Variants in MST1R observed in about 807,000 individuals in gnomAD.
The protein encoded by MST1R is macrophage-stimulating protein receptor.
Under a neutral mutation model 117.8 loss-of-function variants are expected in MST1R, and 99 were observed. That is an observed-to-expected ratio of 0.84 (90% confidence interval 0.71 to 0.99). The LOEUF (loss-of-function observed/expected upper bound fraction) is 0.99, where lower values mean the gene tolerates loss of function less well. Ranked by LOEUF, MST1R falls within the 50% of genes least tolerant of loss-of-function variation. The pLI, the probability that MST1R is intolerant of heterozygous loss-of-function variation, is 0.00. For missense variants in MST1R, 1,683 were observed against 1,840.2 expected, an observed-to-expected ratio of 0.91 and a Z score of 1.56; for synonymous variants, 734 against 765.3, an observed-to-expected ratio of 0.96 and a Z score of 0.68.
intron 18 of MST1R, 146 bp downstream of exon 18, chr3:49,890,339 C>T: frequency 2.1e-6 from 2 of 947,528 alleles, no homozygotes; most frequent in East Asian, 2.7e-5. Context: ...TTCCATCTTA[C>T]ATCTGCCCAA....
chr3:49,901,222 C>T (rs2082665147), intron 1 of MST1R, among the ~76,000 whole-genome samples: 1 of 152,242 alleles, frequency 6.6e-6, no homozygotes, highest in South Asian at 2.1e-4. Flanking sequence ...CTAAAGACCC[C>T]CAACCTCACA....
At position 49,899,118 on chromosome 3, in the gene MST1R, A is replaced by G. The variant is rs749582593; in HGVS notation, c.1376T>C (p.Val459Ala). ...CATTGTGCCCATGTGTGCCACTGTG[A>G]CGTTGTCAAGGCGTGTCACATACAA... ...TALYVTRLDN[V>A]TVAHMGTMDG... is the part of the protein sequence containing the mutation. Residue 459 changes from valine (V) to alanine (A), a missense_variant, in exon 2 of 20, where the codon GTC becomes GCC. Transcript: ENST00000296474. The G allele has an allele frequency of 1.2e-6, 2 of 1,614,126 alleles. No homozygotes were observed. The highest frequency in any genetic ancestry group is 1.1e-5 in the South Asian group (1 of 91,086).
chr3:49,902,805 C>A lies in MST1R; in HGVS notation c.805G>T (p.Val269Leu). ...VYFLTVQPAS[V>L]TDDPSALHTR... The stretch of plus-strand genomic sequence containing the variant: ...TGCAGGGCACTAGGATCATCTGTCA[C>A]GCTGGCCGGCTGTACAGTCAGGAAG... Residue 269 changes from valine to leucine, a missense_variant, in exon 1 of 20, where the codon GTG becomes TTG. Physicochemically the swap from Val to Leu is conservative, Grantham distance 32. Transcript: ENST00000296474. 1 of 1,613,850 alleles carries A rather than the reference C, an allele frequency of 6.2e-7. No individual in the cohort carries two copies. Among genetic ancestry groups the A allele is most frequent in the Non-Finnish European group, 8.5e-7 (1 of 1,180,036 alleles).
intron 7 of MST1R, 143 bp downstream of exon 7, chr3:49,897,137 A>G: frequency 7.7e-7 from 1 of 1,294,054 alleles, no homozygotes; most frequent in Non-Finnish European, 1.1e-6. Context: ...TGGGCTGAAG[A>G]GGGCAGTAGT....
Position 49,890,209 on chromosome 3 carries a change from G to A in MST1R, c.3811-149C>T, listed in dbSNP as rs566413048. The A allele has an allele frequency of 9.5e-5, 103 of 1,080,746 alleles. 2 individuals are homozygous for A. In the African/African-American group the frequency reaches 1.6e-3, roughly 17 times the overall value. 66.9% of individuals were successfully genotyped at this position (1,080,746 alleles called of 1,614,324 possible). ...GCTCATTCCTCAATACATCACCTGT[G>A]TCTTTCCTCTGTCTCCTCCCACTAC... On this transcript the variant is annotated intron_variant, in intron 18 of 19. Transcript: ENST00000296474.
At chr3:49,887,692 A>G in intron 19 of MST1R, 130 bp from the exon 20 acceptor site, 1 of 962,406 alleles carries the variant, frequency 1.0e-6, no homozygotes, top group Middle Eastern at 2.4e-4. Flanking sequence ...ACCTAGCACT[A>G]CCCAATCAGG....
chr3:49,895,808 T>C lies in MST1R; in HGVS notation c.2869A>G (p.Thr957Ala). Residue 957 changes from threonine (T) to alanine (A), a missense_variant, in exon 12 of 20, where the codon ACG (threonine) becomes GCG (alanine). Thr to Ala is a moderately conservative substitution (Grantham distance 58, BLOSUM62 0). Transcript: ENST00000296474. Reference protein sequence around the residue: ...RPGPDGVPQSTLLGILLPLLL... With the variant: ...RPGPDGVPQSALLGILLPLLL... ...AAAGGCAGCAGGATACCAAGGAGCG[T>C]GCTCTGTGGGACCCCATCTGGCCCT... 1 of 1,613,994 alleles carries C rather than the reference T, an allele frequency of 6.2e-7. No homozygotes were observed. Among genetic ancestry groups the C allele is most frequent in the Non-Finnish European group, 8.5e-7 (1 of 1,179,998 alleles).
At chr3:49,900,089 G>T (rs780535083) in intron 1 of MST1R, among the ~76,000 whole-genome samples, 1 of 152,190 alleles carries the variant, frequency 6.6e-6, no homozygotes, top group Non-Finnish European at 1.5e-5. Context: ...GGGGCTGAAT[G>T]CTGGAGTTAA....
chr3:49,888,095 C>T (rs892933376), intron 19 of MST1R, among the ~76,000 whole-genome samples: 10 of 152,154 alleles, frequency 6.6e-5, no homozygotes, highest in African/African-American at 2.2e-4. Context: ...AGTTCGAGAC[C>T]AGCCTGGCCA....
rs1022698420 is a variant in MST1R, at chr3:49,902,691, TGC to T, written c.917_918del (p.Arg306GlnfsTer30). The T allele has an allele frequency of 6.2e-7, 1 of 1,613,500 alleles. No individual in the cohort carries two copies. The highest frequency in any genetic ancestry group is 1.7e-5 in the Admixed American group (1 of 60,034). On this transcript the variant is annotated frameshift_variant, in exon 1 of 20. Coordinates refer to ENST00000296474, the MANE Select transcript of MST1R (RefSeq NM_002447.4). LOFTEE classifies it high-confidence loss of function. ...LVLDCRFAPK[R>X]RRRGAPEGGQ... is the part of the protein sequence containing the mutation. ...CCGCCTTCTGGGGCCCCCCGGCGCC[TGC>T]GTTTTGGAGCAAATCTGCAGTCGAG...
At chr3:49,893,704 C>T (rs1343206702) in intron 14 of MST1R, among the ~76,000 whole-genome samples, 2 of 148,532 alleles carry the variant, frequency 1.3e-5, no homozygotes, top group Non-Finnish European at 3.0e-5. Flanking sequence ...TCGAGACCAT[C>T]CTGGCTAACA....
chr3:49,901,525 C>G (rs1045360887), intron 1 of MST1R, among the ~76,000 whole-genome samples: 1 of 152,164 alleles, frequency 6.6e-6, no homozygotes, highest in South Asian at 2.1e-4. Flanking sequence ...CCAATTCCAA[C>G]CAGCCCTTCC....
Position 49,902,799 on chromosome 3 carries a change from C to T in MST1R, c.811G>A (p.Asp271Asn). ...CGTGTGTGCAGGGCACTAGGATCAT[C>T]TGTCACGCTGGCCGGCTGTACAGTC... ...FLTVQPASVT[D>N]DPSALHTRLA... Residue 271 changes from aspartate to asparagine, a missense_variant, in exon 1 of 20, where the codon GAT becomes AAT. By Grantham distance (23) the Asp-to-Asn change is conservative. Coordinates refer to ENST00000296474, the MANE Select transcript of MST1R (RefSeq NM_002447.4). The T allele has an allele frequency of 6.2e-6, 10 of 1,613,924 alleles. No homozygotes were observed. Among genetic ancestry groups the T allele is most frequent in the Non-Finnish European group, 8.5e-6 (10 of 1,180,050 alleles).
chr3:49,887,454 AT>A lies in MST1R; in HGVS notation c.4055del (p.His1352LeufsTer10). 1 of 1,614,198 alleles carries A rather than the reference AT, an allele frequency of 6.2e-7. No individual in the cohort carries two copies. Among genetic ancestry groups the A allele is most frequent in the Non-Finnish European group, 8.5e-7 (1 of 1,180,010 alleles). On this transcript the variant is annotated frameshift_variant, in exon 20 of 20. Coordinates refer to ENST00000296474, the MANE Select transcript of MST1R (RefSeq NM_002447.4). LOFTEE classifies it low-confidence loss of function (END_TRUNC). ...TGTAGGTTGCTGGCAGCTGCACATA[AT>A]GGTCCCCAAGCAGTGCAGACACTAT... ...EQIVSALLGDHYVQLPATYMN... is the reference protein window; with the variant it reads ...EQIVSALLGDXYVQLPATYMN...
chr3:49,898,008 GT>G, intron 5 of MST1R, 42 bp downstream of exon 5: 1 of 1,611,954 alleles, frequency 6.2e-7, no homozygotes, highest in East Asian at 2.2e-5. Context: ...GGGCTGCTTG[GT>G]TTCCCCCTTC....
Position 49,890,470 on chromosome 3 carries a change from C to G in MST1R, c.3810+15G>C. 6.2e-7 allele frequency: 1 copy of G among 1,604,238 alleles called. No homozygotes were observed. The highest frequency in any genetic ancestry group is 8.5e-7 in the Non-Finnish European group (1 of 1,173,804). ...TGCCAAAGCCATGTGGACTGTAGGG[C>G]AGGTGGGGCCTCACCACATCAGACT... On this transcript the variant is annotated intron_variant, in intron 18 of 19. Transcript: ENST00000296474.
At chr3:49,901,261 C>A (rs1289089050) in intron 1 of MST1R, among the ~76,000 whole-genome samples, 2 of 152,232 alleles carry the variant, frequency 1.3e-5, no homozygotes, top group South Asian at 2.1e-4. Context: ...ATCTCCGAGG[C>A]ATCAATAGGA....
chr3:49,902,302 T>A, intron 1 of MST1R, 78 bp downstream of exon 1: 36 of 1,412,100 alleles, frequency 2.5e-5, no homozygotes, highest in Middle Eastern at 1.9e-4. Context: ...CCAGATCCCC[T>A]CAGTGATGGA....
intron 1 of MST1R, among the ~76,000 whole-genome samples, chr3:49,900,024 T>C (rs2082621584): frequency 2.6e-5 from 4 of 152,312 alleles, no homozygotes; most frequent in African/African-American, 9.6e-5. Context: ...TGACTCTCTG[T>C]GTGCACTTCA....
Sources: allele counts gnomAD v4.1 joint callset (sites outside exome capture counted in the v4.1 genomes callset), GRCh38; gene constraint gnomAD v4.1.1; transcripts MANE v1.5; gene names NCBI Gene and HGNC (gene_info 2026-07-23, HGNC 2026-07-21).